Variants in RBFOX1 observed in about 807,000 individuals in gnomAD.
RBFOX1 encodes RNA binding fox-1 homolog 1.
In RBFOX1, 8 loss-of-function variants were observed where a neutral mutation model predicts 57.7. The ratio of observed to expected loss-of-function variants is 0.14; its 90% CI spans 0.08 to 0.25. The LOEUF (loss-of-function observed/expected upper bound fraction) is 0.25. RBFOX1 is among the 10% of genes least tolerant of loss of function. The pLI is 1.00. For missense variants in RBFOX1, 611 were observed against 548.5 expected (o/e 1.11, Z -1.14); for synonymous variants, 326 against 222.4 (o/e 1.47, Z -4.15).
intron 3 of RBFOX1, among the ~76,000 whole-genome samples, chr16:5,797,233 T>C (rs866649592): frequency 2.0e-5 from 3 of 152,306 alleles, no homozygotes; most frequent in Middle Eastern, 3.4e-3. Flanking sequence ...CTTTACCTTT[T>C]GGATCTTTGA....
intron 12 of RBFOX1, among the ~76,000 whole-genome samples, chr16:7,659,591 A>C (rs1185333274): frequency 6.6e-6 from 1 of 152,190 alleles, no homozygotes; most frequent in East Asian, 1.9e-4. Flanking sequence ...GAGCAAAAAA[A>C]GAAAAAAGAA....
At chr16:7,379,800 G>GCCTGCCTGCCTCCCTCCCTC (rs2097756751) in intron 4 of RBFOX1, among the ~76,000 whole-genome samples, 1 of 150,524 alleles carries the variant, frequency 6.6e-6, no homozygotes, top group Non-Finnish European at 1.5e-5. Context: ...CTGCCTCCCT[G>GCCTGCCTGCCTCCCTCCCTC]CCTGCCTGCC....
intron 1 of RBFOX1, among the ~76,000 whole-genome samples, chr16:6,112,507 A>C (rs1012457773): frequency 6.6e-6 from 1 of 152,174 alleles, no homozygotes; most frequent in African/African-American, 2.4e-5. Context: ...CCTGGCCAAC[A>C]TGGAGAAACC....
At chr16:7,215,272 G>T (rs907525553) in intron 4 of RBFOX1, among the ~76,000 whole-genome samples, 1 of 152,222 alleles carries the variant, frequency 6.6e-6, no homozygotes, top group Admixed American at 6.5e-5. Context: ...ATTCCTGAAG[G>T]ATCTAGAACC....
intron 2 of RBFOX1, among the ~76,000 whole-genome samples, chr16:6,376,167 T>C (rs936779783): frequency 3.3e-5 from 5 of 152,208 alleles, no homozygotes; most frequent in African/African-American, 1.2e-4. Context: ...TGTGATTCTT[T>C]GACTGTTCTC....
chr16:5,302,447 G>A (rs986494812), intron 1 of RBFOX1, among the ~76,000 whole-genome samples: 1 of 152,106 alleles, frequency 6.6e-6, no homozygotes, highest in African/African-American at 2.4e-5. Context: ...ATATCAAGTA[G>A]GTCAAGCTGG....
intron 3 of RBFOX1, among the ~76,000 whole-genome samples, chr16:5,727,956 G>A (rs569557697): frequency 1.3e-5 from 2 of 152,182 alleles, no homozygotes; most frequent in South Asian, 2.1e-4. Context: ...CAAAGTTCTG[G>A]GATTACAGGA....
chr16:7,664,204 C>G (rs1597578106), intron 12 of RBFOX1, among the ~76,000 whole-genome samples: 2 of 152,172 alleles, frequency 1.3e-5, no homozygotes, highest in East Asian at 1.9e-4. Context: ...ACACTATAGA[C>G]AAATACATGC....
intron 2 of RBFOX1, among the ~76,000 whole-genome samples, chr16:5,519,327 C>G (rs1260910592): frequency 1.3e-5 from 2 of 152,162 alleles, no homozygotes; most frequent in Non-Finnish European, 2.9e-5. Flanking sequence ...CTTTTACTAT[C>G]CTGACTAACC....
At chr16:6,620,891 G>T (rs771179768) in intron 2 of RBFOX1, among the ~76,000 whole-genome samples, 1 of 152,180 alleles carries the variant, frequency 6.6e-6, no homozygotes, top group Non-Finnish European at 1.5e-5. Flanking sequence ...TGATAGGACT[G>T]CCTTAACAAA....
At chr16:5,436,047 A>G (rs2067908482) in intron 1 of RBFOX1, among the ~76,000 whole-genome samples, 1 of 152,204 alleles carries the variant, frequency 6.6e-6, no homozygotes, top group South Asian at 2.1e-4. Context: ...GTGAGATACA[A>G]ACTAAAACAA....
chr16:5,357,108 G>A (rs1332706569), intron 1 of RBFOX1, among the ~76,000 whole-genome samples: 1 of 152,178 alleles, frequency 6.6e-6, no homozygotes, highest in Non-Finnish European at 1.5e-5. Flanking sequence ...GGCAAAATGT[G>A]TAATCTCATG....
At chr16:5,775,378 A>C (rs1205732401) in intron 3 of RBFOX1, among the ~76,000 whole-genome samples, 1 of 152,184 alleles carries the variant, frequency 6.6e-6, no homozygotes, top group African/African-American at 2.4e-5. Flanking sequence ...TGGAGAAGGC[A>C]GGTGGAACAG....
At chr16:7,503,374 T>A (rs528942601) in intron 4 of RBFOX1, among the ~76,000 whole-genome samples, 1 of 152,316 alleles carries the variant, frequency 6.6e-6, no homozygotes, top group East Asian at 1.9e-4. Context: ...ATCAATTTCC[T>A]CCTTTAGAAG....
chr16:5,459,037 G>T (rs1277716680), intron 1 of RBFOX1, among the ~76,000 whole-genome samples: 1 of 152,162 alleles, frequency 6.6e-6, no homozygotes, highest in Non-Finnish European at 1.5e-5. Flanking sequence ...TCTCTGAAGA[G>T]CCAGGGCAGA....
chr16:6,678,205 C>A (rs904824208), intron 3 of RBFOX1, among the ~76,000 whole-genome samples: 2 of 152,282 alleles, frequency 1.3e-5, no homozygotes, highest in African/African-American at 4.8e-5. Context: ...TTCACTGCAG[C>A]CTCTGCCTCC....
intron 3 of RBFOX1, among the ~76,000 whole-genome samples, chr16:6,730,646 T>C (rs911302096): frequency 2.6e-5 from 4 of 152,216 alleles, no homozygotes; most frequent in African/African-American, 7.2e-5. Flanking sequence ...GGTCATTTTG[T>C]GGAAAATCTT....
chr16:6,049,370 A>G (rs915652603), intron 1 of RBFOX1, among the ~76,000 whole-genome samples: 1 of 152,130 alleles, frequency 6.6e-6, no homozygotes, highest in Non-Finnish European at 1.5e-5. Context: ...CATATTTAAA[A>G]GTAGAGAGAA....
chr16:5,713,883 AG>A (rs768375910), intron 3 of RBFOX1, among the ~76,000 whole-genome samples: 12 of 152,210 alleles, frequency 7.9e-5, no homozygotes, highest in Non-Finnish European at 1.5e-4. Context: ...GGAAGTGAGG[AG>A]GAAGCCCAGA....
Sources: gnomAD v4.1 joint callset for allele counts (sites outside exome capture counted in the v4.1 genomes callset) on GRCh38, gnomAD v4.1.1 for gene constraint, MANE v1.5 for transcripts, NCBI Gene and HGNC (gene_info 2026-07-23, HGNC 2026-07-21) for gene names.